Variants in OTUD4 observed in about 807,000 individuals in gnomAD.
OTUD4 encodes OTU deubiquitinase 4.
In OTUD4, 24 loss-of-function variants were observed where a neutral mutation model predicts 130.4. That is an observed-to-expected ratio of 0.18 (90% confidence interval 0.13 to 0.26). The LOEUF (loss-of-function observed/expected upper bound fraction) is 0.26. Among genes scored for constraint, OTUD4 ranks in the 10% least tolerant of loss-of-function variants. OTUD4 has a pLI of 1.00. For missense variants in OTUD4, 1,031 were observed against 1,329.4 expected (o/e 0.78, Z 3.49); for synonymous variants, 420 against 472.5 (o/e 0.89, Z 1.44).
At chr4:145,173,680 C>G (rs1245279920) in intron 2 of OTUD4, among the ~76,000 whole-genome samples, 1 of 152,110 alleles carries the variant, frequency 6.6e-6, no homozygotes, top group Non-Finnish European at 1.5e-5. Context: ...ACATTCTCTA[C>G]CAGTCAACTG....
At position 145,137,952 on chromosome 4, in the gene OTUD4, G is replaced by C. The variant is rs748895497; in HGVS notation, c.2823C>G (p.Ser941=). 1.2e-6 allele frequency: 2 copies of C among 1,614,116 alleles called. No individual in the cohort carries two copies. The highest frequency in any genetic ancestry group is 2.2e-5 in the South Asian group (2 of 91,082). ...KPDEGRTEQS[S]QTRKADTALA... ...ATGCCGTATCTGCCTTTCGTGTCTG[G>C]GAAGATTGCTCTGTCCGGCCTTCGT... The change falls in exon 21 of 21, where the codon TCC becomes TCG. Residue 941 remains serine, a synonymous_variant. Transcript: ENST00000447906.
chr4:145,150,373 T>A (rs1377704068), intron 13 of OTUD4, 140 bp downstream of exon 13: 1 of 541,266 alleles, frequency 1.8e-6, no homozygotes, highest in Non-Finnish European at 3.3e-6. Context: ...CATGAAGTTT[T>A]ATACAAAATG....
intron 6 of OTUD4, among the ~76,000 whole-genome samples, chr4:145,160,110 A>G (rs1751485699): frequency 6.6e-6 from 1 of 152,238 alleles, no homozygotes; most frequent in South Asian, 2.1e-4. Context: ...GATTAAAAAC[A>G]TTAAGAAGCT....
At chr4:145,166,696 T>C (rs1312871153) in intron 3 of OTUD4, among the ~76,000 whole-genome samples, 2 of 151,972 alleles carry the variant, frequency 1.3e-5, no homozygotes, top group Non-Finnish European at 2.9e-5. Flanking sequence ...AAAACATTAG[T>C]CGGGCCTGGT....
rs1317525824 is a variant in OTUD4 at position 145,152,326 on chromosome 4, T to A, written c.968+215A>T. ...TGGGGTTTCACTATGTTGGCCAGGA[T>A]GATCTTGATCTCCTGACCTCATGAT... On this transcript the variant is annotated intron_variant, in intron 11 of 20. Coordinates refer to ENST00000447906, the MANE Select transcript of OTUD4 (RefSeq NM_001366057.1). 5.3e-5 allele frequency among the ~76,000 whole-genome samples: 8 copies of A among 152,290 alleles called. No individual in the cohort carries two copies. In the East Asian group the frequency reaches 1.5e-3, roughly 29 times the overall value.
intron 2 of OTUD4, among the ~76,000 whole-genome samples, chr4:145,174,014 T>TG (rs1185427286): frequency 6.6e-6 from 1 of 151,322 alleles, no homozygotes; most frequent in East Asian, 1.9e-4. Flanking sequence ...GAATTTTTTT[T>TG]TTTTTTTTTT....
chr4:145,179,667 G>A (rs1752596644), intron 1 of OTUD4, 148 bp downstream of exon 1: 1 of 1,403,086 alleles, frequency 7.1e-7, no homozygotes, highest in Non-Finnish European at 9.2e-7. Flanking sequence ...GTCCCACTCC[G>A]GCGTTACAAT....
At chr4:145,142,147 G>A (rs1485807641) in intron 18 of OTUD4, 49 bp downstream of exon 18, 5 of 1,557,006 alleles carry the variant, frequency 3.2e-6, no homozygotes. Context: ...TGAAGTCTCT[G>A]ACTAGAAAGG....
At chr4:145,170,880 A>G (rs886740003) in intron 3 of OTUD4, 2 of 152,252 alleles carry the variant, frequency 1.3e-5, no homozygotes, top group African/African-American at 2.4e-5. Context: ...AAAATTAAGA[A>G]AAATCCTTTT....
At chr4:145,175,298 A>G (rs1005775486) in intron 1 of OTUD4, among the ~76,000 whole-genome samples, 3 of 142,846 alleles carry the variant, frequency 2.1e-5, no homozygotes, top group Non-Finnish European at 4.6e-5. Context: ...GATCAAGCTT[A>G]TAAGACAAGA....
chr4:145,143,512 T>A, intron 16 of OTUD4, 67 bp from the exon 17 acceptor site: 1 of 895,326 alleles, frequency 1.1e-6, no homozygotes, highest in Non-Finnish European at 1.8e-6. Flanking sequence ...ATTGATGGTT[T>A]CCTTTTATAA....
In OTUD4 at chr4:145,143,508, G is replaced by A. The variant is rs145377154; in HGVS notation, c.1603-63C>T. 9,174 of 942,354 alleles carry A rather than the reference G, an allele frequency of 9.7e-3. 88 individuals carry two copies. The highest frequency in any genetic ancestry group is 0.015 in the Middle Eastern group (63 of 4,166). The allele number at this position is 942,354 out of a possible 1,614,324, so 58.4% of individuals were successfully genotyped here. On this transcript the variant is annotated intron_variant, in intron 16 of 20. Coordinates refer to ENST00000447906, the MANE Select transcript of OTUD4 (RefSeq NM_001366057.1). ...GAGACCCACATTCTGGAATATTGATGGTTTCCTTTTATAATTCACCCTACC... is the reference window on the plus strand; with the variant it reads ...GAGACCCACATTCTGGAATATTGATAGTTTCCTTTTATAATTCACCCTACC...
rs1750826179 is a variant in OTUD4, at chr4:145,146,393, G to A, written c.1296C>T (p.His432=). ...PDRERVEDFD[H]TSRESNYFGL... The stretch of plus-strand genomic sequence containing the variant: ...CGAAATAGTTAGATTCTCGACTTGT[G>A]TGATCAAAATCCTCAACTCTTTCAC... The change falls in exon 14 of 21, where the codon CAC becomes CAT. Residue 432 remains histidine (H), a synonymous_variant. Transcript: ENST00000447906. 1 of 1,576,948 alleles carries A rather than the reference G, an allele frequency of 6.3e-7. No individual in the cohort carries two copies. The highest frequency in any genetic ancestry group is 1.4e-5 in the African/African-American group (1 of 72,928).
At chr4:145,163,643 G>A (rs1326351056) in intron 5 of OTUD4, among the ~76,000 whole-genome samples, 1 of 149,688 alleles carries the variant, frequency 6.7e-6, no homozygotes, top group East Asian at 2.0e-4. Flanking sequence ...GTTAAATACA[G>A]TAACTTGTGG....
Position 145,135,137 on chromosome 4 carries a change from A to G in OTUD4, c.*2293T>C. The G allele has an allele frequency of 3.3e-6, 1 of 306,098 alleles. No homozygotes were observed. Among genetic ancestry groups the G allele is most frequent in the Non-Finnish European group, 5.9e-6 (1 of 168,800 alleles). The allele number at this position is 306,098 out of a possible 1,614,324, so 19.0% of individuals were successfully genotyped here. On this transcript the variant is annotated 3_prime_UTR_variant, in exon 21 of 21. Coordinates refer to ENST00000447906, the MANE Select transcript of OTUD4 (RefSeq NM_001366057.1). ...TGCAAAGATTAATTTTAAAACTATC[A>G]AAAGTCAGTTCTTTTATTCCAGAGG...
intron 6 of OTUD4, among the ~76,000 whole-genome samples, chr4:145,161,271 A>C (rs1209669283): frequency 6.6e-6 from 1 of 152,216 alleles, no homozygotes; most frequent in Non-Finnish European, 1.5e-5. Flanking sequence ...TTAGAATCAC[A>C]GGAAAGACAA....
intron 8 of OTUD4, 31 bp downstream of exon 8, chr4:145,155,902 GAAC>G (rs761735721): frequency 1.3e-6 from 2 of 1,499,084 alleles, no homozygotes; most frequent in South Asian, 2.4e-5. Flanking sequence ...TTATATTAAA[GAAC>G]TACATTTAAA....
chr4:145,175,943 C>T (rs56188777), intron 1 of OTUD4, among the ~76,000 whole-genome samples: 1 of 151,392 alleles, frequency 6.6e-6, no homozygotes, highest in Non-Finnish European at 1.5e-5. Context: ...CTCAGCTCAC[C>T]GCAACCTCCG....
intron 5 of OTUD4, among the ~76,000 whole-genome samples, chr4:145,162,972 A>G (rs1021937945): frequency 2.2e-4 from 33 of 152,222 alleles, no homozygotes; most frequent in Non-Finnish European, 1.5e-5. Flanking sequence ...AAATAAAAAT[A>G]ATATATGAAA....
Sources: allele counts gnomAD v4.1 joint callset (sites outside exome capture counted in the v4.1 genomes callset), GRCh38; gene constraint gnomAD v4.1.1; transcripts MANE v1.5; gene names NCBI Gene and HGNC (gene_info 2026-07-23, HGNC 2026-07-21).